GRID1: variants seen among roughly 807,000 people sequenced by gnomAD.
GRID1 encodes the protein glutamate ionotropic receptor delta type subunit 1, also known as glutamate receptor ionotropic, delta-1.
GRID1 carries 28 observed loss-of-function variants against 98.0 expected under a neutral mutation model. The observed-to-expected ratio is 0.29, with a 90% CI of 0.21 to 0.39. GRID1 has a LOEUF of 0.39. Among genes scored for constraint, GRID1 ranks in the 10% least tolerant of loss-of-function variants. The probability of loss-of-function intolerance (pLI) is 1.00; values close to 1 mark genes in which losing one functional copy is unlikely to be tolerated. For synonymous variants in GRID1, 553 were observed against 538.5 expected, an observed-to-expected ratio of 1.03 and a Z score of -0.37; for missense variants, 1,111 against 1,340.5, an observed-to-expected ratio of 0.83 and a Z score of 2.67.
intron 12 of GRID1, among the ~76,000 whole-genome samples, chr10:85,697,106 G>A (rs1841402668): frequency 6.6e-6 from 1 of 151,982 alleles, no homozygotes; most frequent in Non-Finnish European, 1.5e-5. Flanking sequence ...GCAATTTTGG[G>A]GTATAGCGTT....
intron 4 of GRID1, among the ~76,000 whole-genome samples, chr10:85,960,121 A>T (rs1439742082): frequency 6.6e-6 from 1 of 152,134 alleles, no homozygotes; most frequent in African/African-American, 2.4e-5. Context: ...GCTGGTCTCA[A>T]ACTCCTGACC....
intron 4 of GRID1, among the ~76,000 whole-genome samples, chr10:85,969,873 GAAAAAT>G (rs1346182787): frequency 6.6e-6 from 1 of 150,852 alleles, no homozygotes; most frequent in Non-Finnish European, 1.5e-5. Context: ...ATAGAGCATA[GAAAAAT>G]AATAGAGAAA....
intron 8 of GRID1, among the ~76,000 whole-genome samples, chr10:85,784,467 G>A (rs892959314): frequency 3.9e-5 from 6 of 152,146 alleles, no homozygotes; most frequent in Non-Finnish European, 5.9e-5. Context: ...TCTGTCCACC[G>A]CCATGGCTAA....
In GRID1 at chr10:86,139,657, C is replaced by T. The variant is rs375555368; in HGVS notation, c.521-633G>A. Among the ~76,000 whole-genome samples the T allele has an allele frequency of 1.5e-4, 23 of 152,302 alleles. 1 individual carries two copies. In the East Asian group the frequency reaches 3.7e-3, roughly 24 times the overall value. ...TCCTGCCTGTTTCCAGCTGGAGTGACTCTCACTCCAAGTCCAGTCAGAAGC... is the reference window on the plus strand; with the variant it reads ...TCCTGCCTGTTTCCAGCTGGAGTGATTCTCACTCCAAGTCCAGTCAGAAGC... On this transcript the variant is annotated intron_variant, in intron 3 of 15. Transcript: ENST00000327946.
chr10:86,123,712 C>A (rs1844711327), intron 4 of GRID1, among the ~76,000 whole-genome samples: 1 of 152,198 alleles, frequency 6.6e-6, no homozygotes, highest in African/African-American at 2.4e-5. Context: ...AGGAAAGATG[C>A]ACTGAAAAGG....
chr10:85,625,820 G>A lies in GRID1; in HGVS notation c.2194-5787C>T, dbSNP rs116351478. On this transcript the variant is annotated intron_variant, in intron 13 of 15. Coordinates refer to ENST00000327946, the MANE Select transcript of GRID1 (RefSeq NM_017551.3). Reference sequence around the variant, plus strand: ...GAAGCCACAAGTGAGCTGATTGGATGACTTGCTTGTGTTCCATGACTTCAC... The same window carrying A: ...GAAGCCACAAGTGAGCTGATTGGATAACTTGCTTGTGTTCCATGACTTCAC... Among the ~76,000 whole-genome samples, 555 of 152,336 alleles carry A rather than the reference G, an allele frequency of 3.6e-3. 7 individuals carry two copies. The highest frequency in any genetic ancestry group is 0.013 in the African/African-American group (530 of 41,578).
intron 4 of GRID1, among the ~76,000 whole-genome samples, chr10:85,936,858 A>G (rs545164190): frequency 1.3e-5 from 2 of 152,360 alleles, no homozygotes; most frequent in South Asian, 2.1e-4. Context: ...GCACTAAGTT[A>G]AAAGAGCAGT....
chr10:86,093,397 A>G (rs1189991460), intron 4 of GRID1, among the ~76,000 whole-genome samples: 1 of 152,050 alleles, frequency 6.6e-6, no homozygotes, highest in Non-Finnish European at 1.5e-5. Flanking sequence ...TGAAAAAAAA[A>G]AAAGACAAAT....
chr10:85,707,047 C>T (rs574559755), intron 12 of GRID1, among the ~76,000 whole-genome samples: 19 of 152,312 alleles, frequency 1.2e-4, no homozygotes, highest in Middle Eastern at 3.4e-3. Flanking sequence ...AGGACATAGG[C>T]ATGGACAAGG....
chr10:85,724,056 G>A (rs1231191263), intron 11 of GRID1, among the ~76,000 whole-genome samples: 1 of 152,156 alleles, frequency 6.6e-6, no homozygotes, highest in African/African-American at 2.4e-5. Flanking sequence ...AACCTCATGT[G>A]CATAGCAATC....
chr10:86,061,159 C>T (rs1843643027), intron 4 of GRID1, among the ~76,000 whole-genome samples: 1 of 152,196 alleles, frequency 6.6e-6, no homozygotes, highest in South Asian at 2.1e-4. Context: ...GCACTGGCAT[C>T]TTTCTCTGCA....
At chr10:86,285,619 G>T (rs764010896) in intron 2 of GRID1, among the ~76,000 whole-genome samples, 4 of 152,176 alleles carry the variant, frequency 2.6e-5, no homozygotes, top group Non-Finnish European at 4.4e-5. Context: ...CCCACACAGG[G>T]CTTCCAGGAT....
intron 5 of GRID1, among the ~76,000 whole-genome samples, chr10:85,913,308 G>A (rs1459409474): frequency 6.6e-6 from 1 of 152,218 alleles, no homozygotes; most frequent in African/African-American, 2.4e-5. Context: ...GAGCCAGACA[G>A]TCCTCAAATA....
At chr10:86,009,428 T>A (rs1346208390) in intron 4 of GRID1, among the ~76,000 whole-genome samples, 3 of 152,144 alleles carry the variant, frequency 2.0e-5, no homozygotes, top group Non-Finnish European at 4.4e-5. Flanking sequence ...ACAGCCCTGA[T>A]GATAAAAGTT....
At chr10:86,088,092 C>T (rs1051779225) in intron 4 of GRID1, among the ~76,000 whole-genome samples, 5 of 152,234 alleles carry the variant, frequency 3.3e-5, no homozygotes, top group Non-Finnish European at 7.3e-5. Flanking sequence ...TCTTGCTCAA[C>T]CAATTAATGA....
chr10:85,988,358 A>G (rs1214987301), intron 4 of GRID1, among the ~76,000 whole-genome samples: 1 of 152,244 alleles, frequency 6.6e-6, no homozygotes, highest in East Asian at 1.9e-4. Flanking sequence ...GCATGAATGA[A>G]ATATAAGGAT....
intron 12 of GRID1, among the ~76,000 whole-genome samples, chr10:85,689,239 G>A (rs1165550830): frequency 6.6e-6 from 1 of 152,110 alleles, no homozygotes; most frequent in Non-Finnish European, 1.5e-5. Context: ...TTTGGAACTG[G>A]TACAGATAGG....
intron 5 of GRID1, among the ~76,000 whole-genome samples, chr10:85,894,708 C>A (rs916722292): frequency 8.6e-5 from 13 of 151,942 alleles, no homozygotes; most frequent in Non-Finnish European, 5.9e-5. Flanking sequence ...CTAGAGCACT[C>A]CAAACAAAAC....
chr10:85,734,287 A>C (rs1841855952), intron 8 of GRID1, among the ~76,000 whole-genome samples: 1 of 152,168 alleles, frequency 6.6e-6, no homozygotes, highest in East Asian at 1.9e-4. Context: ...GCCCAGATCC[A>C]TGAAGATAAG....
Sources: allele counts gnomAD v4.1 joint callset (sites outside exome capture counted in the v4.1 genomes callset), GRCh38; gene constraint gnomAD v4.1.1; transcripts MANE v1.5; gene names NCBI Gene and HGNC (gene_info 2026-07-23, HGNC 2026-07-21).